The following ANKRD31 variants were observed in gnomAD, a reference collection of about 807,000 sequenced individuals.
ANKRD31 encodes the protein ankyrin repeat domain 31, also known as ankyrin repeat domain-containing protein 31.
Under a neutral mutation model 186.0 loss-of-function variants are expected in ANKRD31, and 147 were observed. The observed-to-expected ratio is 0.79, with a 90% CI of 0.69 to 0.91. ANKRD31 has a LOEUF of 0.91. ANKRD31 is among the 40% of genes least tolerant of loss of function. ANKRD31 has a pLI of 0.00. For missense variants in ANKRD31, 1,986 were observed against 2,148.8 expected (o/e 0.92, Z 1.50); for synonymous variants, 673 against 736.4 (o/e 0.91, Z 1.39).
At chr5:75,235,924 G>A (rs993692800) in intron 1 of ANKRD31, among the ~76,000 whole-genome samples, 1 of 152,160 alleles carries the variant, frequency 6.6e-6, no homozygotes, top group African/African-American at 2.4e-5. Context: ...AAGGGGGCAG[G>A]AGAATCCTGG....
chr5:75,131,411 G>C (rs374671090), intron 17 of ANKRD31, among the ~76,000 whole-genome samples: 1 of 152,200 alleles, frequency 6.6e-6, no homozygotes, highest in East Asian at 1.9e-4. Context: ...CTCACTCACT[G>C]CTAGCACAGC....
intron 11 of ANKRD31, among the ~76,000 whole-genome samples, chr5:75,159,798 A>G (rs566087094): frequency 1.3e-5 from 2 of 152,278 alleles, no homozygotes; most frequent in South Asian, 4.1e-4. Flanking sequence ...AATGGTAATT[A>G]TACAGATAAT....
chr5:75,198,301 C>T (rs893275745), intron 6 of ANKRD31, among the ~76,000 whole-genome samples: 2 of 151,976 alleles, frequency 1.3e-5, no homozygotes, highest in Admixed American at 6.6e-5. Context: ...CTTTTTTTCC[C>T]TCAAAAGCCA....
chr5:75,106,608 T>C (rs1747347312), intron 21 of ANKRD31, among the ~76,000 whole-genome samples: 1 of 152,042 alleles, frequency 6.6e-6, no homozygotes, highest in Non-Finnish European at 1.5e-5. Flanking sequence ...AATTTACGTA[T>C]TGAAACTCCA....
At chr5:75,139,931 C>T (rs1750887283) in intron 15 of ANKRD31, among the ~76,000 whole-genome samples, 1 of 152,128 alleles carries the variant, frequency 6.6e-6, no homozygotes, top group Admixed American at 6.6e-5. Flanking sequence ...GCAACCACTT[C>T]TCTTATCCCA....
At chr5:75,205,658 T>A (rs547635048) in intron 5 of ANKRD31, among the ~76,000 whole-genome samples, 1 of 152,334 alleles carries the variant, frequency 6.6e-6, no homozygotes, top group South Asian at 2.1e-4. Flanking sequence ...TACTGCTTTG[T>A]TGTAGCAACA....
intron 1 of ANKRD31, among the ~76,000 whole-genome samples, chr5:75,235,226 A>G (rs1409889831): frequency 4.0e-5 from 6 of 150,050 alleles, no homozygotes; most frequent in African/African-American, 9.8e-5. Context: ...AGTTCAACAG[A>G]AAGTCTTGCT....
At chr5:75,115,626 G>A (rs1221230229) in intron 19 of ANKRD31, among the ~76,000 whole-genome samples, 1 of 152,026 alleles carries the variant, frequency 6.6e-6, no homozygotes, top group African/African-American at 2.4e-5. Context: ...CTCAAAAGAA[G>A]ACATTTATGC....
chr5:75,204,980 C>G (rs1195825144), intron 5 of ANKRD31, among the ~76,000 whole-genome samples: 1 of 152,196 alleles, frequency 6.6e-6, no homozygotes, highest in Non-Finnish European at 1.5e-5. Flanking sequence ...TCAAGCTGTC[C>G]TCCCGCCTCA....
At chr5:75,133,741 C>A (rs13184219) in intron 17 of ANKRD31, among the ~76,000 whole-genome samples, 1 of 152,158 alleles carries the variant, frequency 6.6e-6, no homozygotes, top group Non-Finnish European at 1.5e-5. Context: ...CACACCTATT[C>A]CAAAATTGAC....
At chr5:75,154,081 T>G in intron 12 of ANKRD31, 120 bp downstream of exon 12, 1 of 985,488 alleles carries the variant, frequency 1.0e-6, no homozygotes, top group South Asian at 3.2e-5. Context: ...GAAAAGACAC[T>G]ATTGGATGGA....
Position 75,116,661 on chromosome 5 carries a change from A to T in ANKRD31, c.4060T>A (p.Ser1354Thr). The change falls in exon 19 of 26, where the codon TCT becomes ACT. Residue 1354 changes from serine to threonine, a missense_variant. Ser to Thr is a moderately conservative substitution (Grantham distance 58). Coordinates refer to ENST00000506364, the MANE Select transcript of ANKRD31 (RefSeq NM_001372053.1). ...CAAAAACACTGTTTATGTCTTTTAG[A>T]CCGGACAGCAGGAATTTTTTCTTTA... ...IVNEKIPAVR[S>T]KRHKQCFCDD... 1 of 1,427,206 alleles carries T rather than the reference A, an allele frequency of 7.0e-7. No individual in the cohort carries two copies. Among genetic ancestry groups the T allele is most frequent in the Non-Finnish European group, 9.2e-7 (1 of 1,083,946 alleles). The allele number at this position is 1,427,206 out of a possible 1,614,324, so 88.4% of individuals were successfully genotyped here.
At chr5:75,082,154 G>A (rs1236764952) in intron 24 of ANKRD31, among the ~76,000 whole-genome samples, 1 of 152,152 alleles carries the variant, frequency 6.6e-6, no homozygotes, top group African/African-American at 2.4e-5. Context: ...ACACTTTTGA[G>A]GCTATCTTCA....
At chr5:75,086,080 G>T (rs1176912184) in intron 23 of ANKRD31, among the ~76,000 whole-genome samples, 1 of 152,188 alleles carries the variant, frequency 6.6e-6, no homozygotes, top group East Asian at 1.9e-4. Flanking sequence ...GGAAACAATA[G>T]ATTTTGTATG....
intron 24 of ANKRD31, among the ~76,000 whole-genome samples, chr5:75,081,222 T>C (rs191666290): frequency 1.3e-5 from 2 of 152,328 alleles, no homozygotes; most frequent in Admixed American, 6.5e-5. Context: ...AAGAAGCTGG[T>C]TGGCACACTG....
rs1028208988 is a variant in ANKRD31, at chr5:75,236,578, G to C, written c.104+5C>G. 5 of 1,536,474 alleles carry C rather than the reference G, an allele frequency of 3.3e-6. No individual in the cohort carries two copies. In the African/African-American group the frequency reaches 6.9e-5, roughly 21 times the overall value. ...TTCAGGCACTGTGGCCCTAATGATG[G>C]TCACCTTCTCCAGGGCAGCTCCTTT... On this transcript the variant is annotated splice_donor_5th_base_variant and intron_variant, in intron 1 of 25. Coordinates refer to ENST00000506364, the MANE Select transcript of ANKRD31 (RefSeq NM_001372053.1).
At chr5:75,158,993 G>A (rs1175201849) in intron 11 of ANKRD31, among the ~76,000 whole-genome samples, 1 of 151,976 alleles carries the variant, frequency 6.6e-6, no homozygotes, top group Non-Finnish European at 1.5e-5. Context: ...GAAAAAATAT[G>A]TTGATAATTT....
At chr5:75,173,195 T>C (rs1376932235) in intron 10 of ANKRD31, among the ~76,000 whole-genome samples, 1 of 152,142 alleles carries the variant, frequency 6.6e-6, no homozygotes, top group East Asian at 1.9e-4. Context: ...CAGCCCTTCA[T>C]GCTAAAAACT....
intron 10 of ANKRD31, among the ~76,000 whole-genome samples, chr5:75,187,126 GT>G: frequency 6.6e-6 from 1 of 150,966 alleles, no homozygotes; most frequent in Admixed American, 6.6e-5. Flanking sequence ...GTGTGTGTGT[GT>G]GTGTGTGTGT....
Sources: gnomAD v4.1 joint callset for allele counts (sites outside exome capture counted in the v4.1 genomes callset) on GRCh38, gnomAD v4.1.1 for gene constraint, MANE v1.5 for transcripts, NCBI Gene and HGNC (gene_info 2026-07-23, HGNC 2026-07-21) for gene names.